ERBIN: variants seen among roughly 807,000 people sequenced by gnomAD.
The protein encoded by ERBIN is densin-180-like protein.
Under a neutral mutation model 158.4 loss-of-function variants are expected in ERBIN, and 60 were observed. The observed-to-expected ratio is 0.38, with a 90% CI of 0.31 to 0.47. ERBIN has a LOEUF of 0.47. ERBIN is among the 20% of genes least tolerant of loss of function. ERBIN has a pLI of 0.99. For missense variants in ERBIN, 1,610 were observed against 1,648.0 expected, an observed-to-expected ratio of 0.98 and a Z score of 0.40; for synonymous variants, 594 against 557.2, an observed-to-expected ratio of 1.07 and a Z score of -0.93.
chr5:66,066,771 A>G (rs1291563779), intron 21 of ERBIN, among the ~76,000 whole-genome samples: 1 of 152,224 alleles, frequency 6.6e-6, no homozygotes, highest in Non-Finnish European at 1.5e-5. Context: ...GTTATTATAC[A>G]ACTATCAGTA....
intron 1 of ERBIN, among the ~76,000 whole-genome samples, chr5:65,945,920 T>C (rs1726102484): frequency 6.6e-6 from 1 of 152,206 alleles, no homozygotes; most frequent in South Asian, 2.1e-4. Context: ...AACCAGGATA[T>C]TGGAATTTTG....
At chr5:65,941,106 T>TG (rs1156725604) in intron 1 of ERBIN, among the ~76,000 whole-genome samples, 7 of 152,084 alleles carry the variant, frequency 4.6e-5, no homozygotes, top group Admixed American at 1.3e-4. Context: ...GTTAAACAGA[T>TG]GCTTGAAGGC....
At chr5:65,934,473 C>T (rs1743839698) in intron 1 of ERBIN, among the ~76,000 whole-genome samples, 1 of 151,694 alleles carries the variant, frequency 6.6e-6, no homozygotes, top group Non-Finnish European at 1.5e-5. Flanking sequence ...GATGACAGGC[C>T]TAGTTATTCT....
rs1761004198 is a variant in ERBIN, at chr5:66,066,511, A to C, written c.3634-5658A>C. Among the ~76,000 whole-genome samples the C allele has an allele frequency of 2.0e-5, 3 of 149,144 alleles. No homozygotes were observed. In the South Asian group the frequency reaches 6.3e-4, roughly 31 times the overall value. ...TAATAGTCACCCCTCTTAACCTCCC[A>C]CTGCCAAAAATAAAAAAAAAAAAAC... On this transcript the variant is annotated intron_variant, in intron 21 of 25. Coordinates refer to ENST00000284037, the MANE Select transcript of ERBIN (RefSeq NM_001253697.2).
Position 66,078,302 on chromosome 5 carries a change from T to A in ERBIN, c.4132-121T>A, listed in dbSNP as rs183883930. The A allele has an allele frequency of 1.5e-4, 96 of 660,408 alleles. No individual in the cohort carries two copies. The African/African-American group carries it at 1.7e-3, about 12-fold the overall frequency. 40.9% of individuals were successfully genotyped at this position (660,408 alleles called of 1,614,324 possible). A position where few individuals can be genotyped will look rare whatever the true frequency, so the allele number is the denominator to read the frequency against. ...TTGGTTTGGGTAGGGCCTGTGAATC[T>A]GTATGTTATTTTAAGTTGCCAAAGT... On this transcript the variant is annotated intron_variant, in intron 25 of 25. Transcript: ENST00000284037.
intron 4 of ERBIN, among the ~76,000 whole-genome samples, chr5:65,999,166 T>C (rs2151069356): frequency 6.6e-6 from 1 of 151,920 alleles, no homozygotes; most frequent in South Asian, 2.1e-4. Flanking sequence ...GTCAGGAGTT[T>C]GTGACCAGCC....
chr5:66,065,591 CTGTGTGTGTG>C (rs56164922), intron 21 of ERBIN, among the ~76,000 whole-genome samples: 7,684 of 109,040 alleles, frequency 0.07, 419 homozygotes, highest in Non-Finnish European at 0.098. Flanking sequence ...TAATTTTGAC[CTGTGTGTGTG>C]TGTGTGTGTG....
intron 1 of ERBIN, among the ~76,000 whole-genome samples, chr5:65,965,833 A>G (rs943633774): frequency 1.3e-5 from 2 of 152,010 alleles, no homozygotes; most frequent in African/African-American, 2.4e-5. Flanking sequence ...ATCATTTACT[A>G]TTGTTTTTTC....
At chr5:66,026,061 T>C (rs968773317) in intron 12 of ERBIN, 84 bp downstream of exon 12, 1 of 1,160,064 alleles carries the variant, frequency 8.6e-7, no homozygotes, top group Non-Finnish European at 1.2e-6. Flanking sequence ...TGTGGCTTCA[T>C]TTATTTTCTT....
chr5:66,072,196 G>C lies in ERBIN; in HGVS notation c.3661G>C (p.Asp1221His). The change falls in exon 22 of 26, where the codon GAT becomes CAT. Residue 1221 changes from aspartate (D) to histidine (H), a missense_variant. Coordinates refer to ENST00000284037, the MANE Select transcript of ERBIN (RefSeq NM_001253697.2). ...KKHPQTSSSG[D>H]PCQDGIFISG... ...GCATCCCCAGACATCCAGTTCAGGA[G>C]ATCCTTGTCAAGATGGTATATTCAT... The C allele has an allele frequency of 4.5e-6, 7 of 1,550,244 alleles. No individual in the cohort carries two copies. Among genetic ancestry groups the C allele is most frequent in the Non-Finnish European group, 6.1e-6 (7 of 1,146,776 alleles).
intron 1 of ERBIN, among the ~76,000 whole-genome samples, chr5:65,957,877 G>A (rs1007379974): frequency 2.7e-5 from 4 of 150,798 alleles, no homozygotes; most frequent in Non-Finnish European, 3.0e-5. Flanking sequence ...GCTGCCGGGC[G>A]GAGGCACTCC....
Position 66,026,368 on chromosome 5 carries a change from G to A in ERBIN, c.1087G>A (p.Glu363Lys). Residue 363 changes from glutamate (E) to lysine (K), a missense_variant, in exon 13 of 26, where the codon GAA becomes AAA. Physicochemically the swap from Glu to Lys is moderately conservative, Grantham distance 56. Coordinates refer to ENST00000284037, the MANE Select transcript of ERBIN (RefSeq NM_001253697.2). ...HSNKLETLPEEMGDMQKLKVI... is the reference protein window; with the variant it reads ...HSNKLETLPEKMGDMQKLKVI... ...CAATAAACTTGAGACACTTCCAGAGGAAATGGGTGATATGCAAAAATTAAA... is the reference window on the plus strand; with the variant it reads ...CAATAAACTTGAGACACTTCCAGAGAAAATGGGTGATATGCAAAAATTAAA... 6.2e-7 allele frequency: 1 copy of A among 1,600,884 alleles called. No homozygotes were observed. Among genetic ancestry groups the A allele is most frequent in the South Asian group, 1.1e-5 (1 of 89,156 alleles).
At chr5:66,025,575 C>T in intron 11 of ERBIN, 23 bp downstream of exon 11, 2 of 1,540,576 alleles carry the variant, frequency 1.3e-6, no homozygotes, top group East Asian at 2.3e-5. Context: ...TGAATGTATA[C>T]ACCCTCGAAG....
At chr5:65,928,444 T>C (rs756201467) in intron 1 of ERBIN, among the ~76,000 whole-genome samples, 4 of 152,222 alleles carry the variant, frequency 2.6e-5, no homozygotes, top group African/African-American at 4.8e-5. Context: ...TTCAGTTTCC[T>C]TATATGGCTT....
rs138864969 is a variant in ERBIN at position 66,035,702 on chromosome 5, G to T, written c.1207-2681G>T. ...TATGGTCATATTCCTAATTTTTTTC[G>T]ATTATATGTTAAAATGATATTTTGA... On this transcript the variant is annotated intron_variant, in intron 14 of 25. Coordinates refer to ENST00000284037, the MANE Select transcript of ERBIN (RefSeq NM_001253697.2). Among the ~76,000 whole-genome samples, 661 of 152,120 alleles carry T rather than the reference G, an allele frequency of 4.3e-3. 5 individuals carry two copies. The highest frequency in any genetic ancestry group is 0.015 in the African/African-American group (638 of 41,494).
In ERBIN at chr5:66,013,536, G is replaced by GT. The variant is rs1561372930; in HGVS notation, c.387-12dup. On this transcript the variant is annotated splice_polypyrimidine_tract_variant and intron_variant, in intron 5 of 25. Coordinates refer to ENST00000284037, the MANE Select transcript of ERBIN (RefSeq NM_001253697.2). ...TTACATGAACTTAACTTAAATTCTG[G>GT]TATTTTATGTAGGCTCCCTGATGGA... 6.6e-7 allele frequency: 1 copy of GT among 1,525,996 alleles called. No homozygotes were observed. Among genetic ancestry groups the GT allele is most frequent in the Non-Finnish European group, 9.1e-7 (1 of 1,101,602 alleles). 94.5% of individuals were successfully genotyped at this position (1,525,996 alleles called of 1,614,324 possible). A position where few individuals can be genotyped will look rare whatever the true frequency, so the allele number is the denominator to read the frequency against.
intron 1 of ERBIN, among the ~76,000 whole-genome samples, chr5:65,964,953 T>G (rs1748390897): frequency 2.2e-5 from 3 of 138,254 alleles, no homozygotes; most frequent in African/African-American, 8.8e-5. Flanking sequence ...TGTAATTTTT[T>G]TTTTTTTTTT....
At chr5:65,989,840 C>G (rs1580270576) in intron 2 of ERBIN, among the ~76,000 whole-genome samples, 2 of 151,500 alleles carry the variant, frequency 1.3e-5, no homozygotes, top group Admixed American at 1.3e-4. Flanking sequence ...AGATAGAATT[C>G]TTTCCCATTC....
In ERBIN at chr5:66,075,095, C is replaced by T. The variant is rs140223756; in HGVS notation, c.3828C>T (p.Pro1276=). 1.2e-6 allele frequency: 2 copies of T among 1,614,130 alleles called. No individual in the cohort carries two copies. Among genetic ancestry groups the T allele is most frequent in the East Asian group, 4.5e-5 (2 of 44,882 alleles). The change falls in exon 23 of 26, where the codon CCC becomes CCT. Residue 1276 remains proline (P), a synonymous_variant. Transcript: ENST00000284037. ...CAAATTATAGTCAAATACATCACCCCCCTCAGGCATCTGTGGCAAGGCATC... is the reference window on the plus strand; with the variant it reads ...CAAATTATAGTCAAATACATCACCCTCCTCAGGCATCTGTGGCAAGGCATC... The part of the protein sequence containing the change: ...PQANYSQIHH[P]PQASVARHPS...
Sources: gnomAD v4.1 joint callset for allele counts (sites outside exome capture counted in the v4.1 genomes callset) on GRCh38, gnomAD v4.1.1 for gene constraint, MANE v1.5 for transcripts, NCBI Gene and HGNC (gene_info 2026-07-23, HGNC 2026-07-21) for gene names.